TDRD6: variants seen among roughly 807,000 people sequenced by gnomAD.
TDRD6 encodes tudor domain containing 6.
Under a neutral mutation model 157.5 loss-of-function variants are expected in TDRD6, and 186 were observed. The observed-to-expected ratio is 1.18, with a 90% CI of 1.05 to 1.33. TDRD6 has a LOEUF of 1.33. Among genes scored for constraint, TDRD6 ranks in the 40% most tolerant of loss-of-function variants. TDRD6 has a pLI of 0.00. For missense variants in TDRD6, 3,066 were observed against 2,508.0 expected, an observed-to-expected ratio of 1.22 and a Z score of -4.75; for synonymous variants, 1,075 against 945.2, an observed-to-expected ratio of 1.14 and a Z score of -2.52.
rs139861733 is a variant in TDRD6 at position 46,690,622 on chromosome 6, C to G, written c.2494C>G (p.Gln832Glu). The G allele has an allele frequency of 3.7e-6, 6 of 1,614,178 alleles. No homozygotes were observed. In the Admixed American group the frequency reaches 1.0e-4, roughly 27 times the overall value. Residue 832 changes from glutamine to glutamate, a missense_variant, in exon 1 of 4, where the codon CAG becomes GAG. By Grantham distance (29) the Gln-to-Glu change is conservative. Coordinates refer to ENST00000316081, the MANE Select transcript of TDRD6 (RefSeq NM_001010870.3). ...ACLAKRTVNRQWSRALISGIQ... is the reference protein window; with the variant it reads ...ACLAKRTVNREWSRALISGIQ... ...TTTGGCTAAGCGAACAGTAAACAGA[C>G]AGTGGTCCAGAGCACTTATTAGTGG...
intron 3 of TDRD6, among the ~76,000 whole-genome samples, chr6:46,698,566 G>A (rs1764551149): frequency 6.6e-6 from 1 of 152,114 alleles, no homozygotes. Flanking sequence ...ACTATATGGT[G>A]GGCAATTTGC....
In TDRD6 at chr6:46,693,289, G is replaced by C; in HGVS notation, c.5161G>C (p.Gly1721Arg). 1.9e-6 allele frequency: 3 copies of C among 1,612,468 alleles called. No homozygotes were observed. Among genetic ancestry groups the C allele is most frequent in the Non-Finnish European group, 2.5e-6 (3 of 1,179,616 alleles). ...TGACTCAGAGATAAAGCAGACTCTTGGGTCCTACAATCTTGATGTAGGACT... is the reference window on the plus strand; with the variant it reads ...TGACTCAGAGATAAAGCAGACTCTTCGGTCCTACAATCTTGATGTAGGACT... ...NIDSEIKQTL[G>R]SYNLDVGLKK... is the part of the protein sequence containing the mutation. Residue 1721 changes from glycine to arginine, a missense_variant, in exon 1 of 4, where the codon GGG (glycine) becomes CGG (arginine). Physicochemically the swap from Gly to Arg is moderately radical, Grantham distance 125 (BLOSUM62 -2). Coordinates refer to ENST00000316081, the MANE Select transcript of TDRD6 (RefSeq NM_001010870.3).
At position 46,691,088 on chromosome 6, in the gene TDRD6, A is replaced by C; in HGVS notation, c.2960A>C (p.Glu987Ala). ...ACACATGATATGAAAATTGGAAGTG[A>C]AGAATTAGTTTATATAACGCATATT... ...YSTHDMKIGS[E>A]ELVYITHIDD... The change falls in exon 1 of 4, where the codon GAA (glutamate) becomes GCA (alanine). Residue 987 changes from glutamate to alanine, a missense_variant. Physicochemically the swap from Glu to Ala is moderately radical, Grantham distance 107 (BLOSUM62 -1). Coordinates refer to ENST00000316081, the MANE Select transcript of TDRD6 (RefSeq NM_001010870.3). 6.2e-7 allele frequency: 1 copy of C among 1,613,868 alleles called. No homozygotes were observed. Among genetic ancestry groups the C allele is most frequent in the South Asian group, 1.1e-5 (1 of 91,052 alleles).
rs1764667324 is a variant in TDRD6, at chr6:46,703,279, T to C, written c.*1392T>C. The C allele has an allele frequency of 6.6e-6, 1 of 152,092 alleles. No individual in the cohort carries two copies. The highest frequency in any genetic ancestry group is 1.5e-5 in the Non-Finnish European group (1 of 67,966). 9.4% of individuals were successfully genotyped at this position (152,092 alleles called of 1,614,324 possible). ...AATTATGAACCTTAAAAACCCATTA[T>C]AATTTCCGTAAGTAGAAGGGAGAGA... On this transcript the variant is annotated 3_prime_UTR_variant, in exon 4 of 4. Coordinates refer to ENST00000316081, the MANE Select transcript of TDRD6 (RefSeq NM_001010870.3).
the TDRD6 span, among the ~76,000 whole-genome samples, chr6:46,682,822 A>T: frequency 6.6e-6 from 1 of 151,932 alleles, no homozygotes; most frequent in African/African-American, 2.4e-5. Context: ...TTACTGAGAG[A>T]AATTAAAGAT....
rs772962988 is a variant in TDRD6 at position 46,692,393 on chromosome 6, G to A, written c.4265G>A (p.Gly1422Glu). ...PGLCIHCSLQGFEVPDNKNSK... is the reference protein window; with the variant it reads ...PGLCIHCSLQEFEVPDNKNSK... The stretch of plus-strand genomic sequence containing the variant: ...TTGTGCATTCATTGCTCCTTGCAGG[G>A]ATTTGAGGTTCCTGACAATAAAAAT... Residue 1422 changes from glycine (G) to glutamate (E), a missense_variant, in exon 1 of 4, where the codon GGA becomes GAA. By Grantham distance (98) the Gly-to-Glu change is moderately conservative. Transcript: ENST00000316081. 1.2e-6 allele frequency: 2 copies of A among 1,614,138 alleles called. No individual in the cohort carries two copies. The highest frequency in any genetic ancestry group is 1.7e-6 in the Non-Finnish European group (2 of 1,180,018).
rs1466466558 is a variant in TDRD6 at position 46,689,660 on chromosome 6, T to C, written c.1532T>C (p.Val511Ala). Residue 511 changes from valine to alanine, a missense_variant, in exon 1 of 4, where the codon GTC becomes GCC. Physicochemically the swap from Val to Ala is moderately conservative, Grantham distance 64. Coordinates refer to ENST00000316081, the MANE Select transcript of TDRD6 (RefSeq NM_001010870.3). ...EFWIRLRKHN[V>A]TFSKLMRRMC... ...TGGATTAGGTTGAGGAAACACAATG[T>C]CACCTTCAGTAAGCTGATGAGGAGA... The C allele has an allele frequency of 6.2e-7, 1 of 1,614,130 alleles. No individual in the cohort carries two copies. Among genetic ancestry groups the C allele is most frequent in the African/African-American group, 1.3e-5 (1 of 74,952 alleles).
At chr6:46,685,846 A>G (rs1764079102), upstream of TDRD6, among the ~76,000 whole-genome samples, 1 of 152,184 alleles carries the variant, frequency 6.6e-6, no homozygotes, top group African/African-American at 2.4e-5. Context: ...AAGTTTATTT[A>G]TTATAAAACT....
At position 46,691,837 on chromosome 6, in the gene TDRD6, A is replaced by G; in HGVS notation, c.3709A>G (p.Thr1237Ala). The change falls in exon 1 of 4, where the codon ACT becomes GCT. Residue 1237 changes from threonine to alanine, a missense_variant. By Grantham distance (58) the Thr-to-Ala change is moderately conservative. Transcript: ENST00000316081. ...LQSLTKTNLV[T>A]QYQDSVGNKN... ...AAGTTTAACAAAAACAAACTTAGTC[A>G]CTCAATATCAAGACTCTGTGGGAAA... 6.2e-7 allele frequency: 1 copy of G among 1,602,478 alleles called. No individual in the cohort carries two copies. The highest frequency in any genetic ancestry group is 8.5e-7 in the Non-Finnish European group (1 of 1,177,256).
chr6:46,696,180 C>A (rs1179198952), intron 2 of TDRD6, among the ~76,000 whole-genome samples: 1 of 152,028 alleles, frequency 6.6e-6, no homozygotes, highest in African/African-American at 2.4e-5. Context: ...CTATTAGTCA[C>A]CTAGTTCCAC....
chr6:46,692,108 A>T lies in TDRD6; in HGVS notation c.3980A>T (p.Asp1327Val). 2.5e-6 allele frequency: 4 copies of T among 1,613,432 alleles called. No individual in the cohort carries two copies. The highest frequency in any genetic ancestry group is 3.4e-6 in the Non-Finnish European group (4 of 1,179,646). ...GACTTTTATGTTCAACTAATAGAAGATGAAGCTGAAATTAGTCATCTTTCA... is the reference window on the plus strand; with the variant it reads ...GACTTTTATGTTCAACTAATAGAAGTTGAAGCTGAAATTAGTCATCTTTCA... ...LSDFYVQLIE[D>V]EAEISHLSER... The change falls in exon 1 of 4, where the codon GAT becomes GTT. Residue 1327 changes from aspartate (D) to valine (V), a missense_variant. By Grantham distance (152) the Asp-to-Val change is radical (BLOSUM62 -3). Transcript: ENST00000316081.
Position 46,688,653 on chromosome 6 carries a change from G to C in TDRD6, c.525G>C (p.Leu175=), listed in dbSNP as rs770394412. Residue 175 remains leucine (L), a synonymous_variant, in exon 1 of 4, where the codon CTG becomes CTC. Transcript: ENST00000316081. ...ACGGGTGCGTCCTGGACGTGCTGCT[G>C]CTCCATCGCCTGGTCCTCCTGGAGG... The part of the protein sequence containing the change: ...EVHGCVLDVL[L]LHRLVLLEVP... 1.8e-5 allele frequency: 28 copies of C among 1,599,560 alleles called. No homozygotes were observed. The highest frequency in any genetic ancestry group is 2.2e-5 in the Non-Finnish European group (26 of 1,179,872).
In TDRD6 at chr6:46,690,239, G is replaced by A; in HGVS notation, c.2111G>A (p.Gly704Glu). 1 of 1,613,900 alleles carries A rather than the reference G, an allele frequency of 6.2e-7. No homozygotes were observed. The highest frequency in any genetic ancestry group is 2.2e-5 in the East Asian group (1 of 44,880). ...ESNKIPFAKT[G>E]EGEQKAKREN... ...AACAAAATACCTTTTGCCAAGACTG[G>A]AGAAGGAGAGCAGAAAGCCAAGAGA... is the stretch of plus-strand genomic sequence containing the variant. Residue 704 changes from glycine (G) to glutamate (E), a missense_variant, in exon 1 of 4, where the codon GGA becomes GAA. Coordinates refer to ENST00000316081, the MANE Select transcript of TDRD6 (RefSeq NM_001010870.3).
chr6:46,704,181 T>C lies in TDRD6; in HGVS notation c.*2294T>C. 4.3e-6 allele frequency: 1 copy of C among 232,026 alleles called. No homozygotes were observed. Among genetic ancestry groups the C allele is most frequent in the South Asian group, 5.8e-5 (1 of 17,184 alleles). The allele number at this position is 232,026 out of a possible 1,614,324, so 14.4% of individuals were successfully genotyped here. A position where few individuals can be genotyped will look rare whatever the true frequency, so the allele number is the denominator to read the frequency against. On this transcript the variant is annotated 3_prime_UTR_variant, in exon 4 of 4. Coordinates refer to ENST00000316081, the MANE Select transcript of TDRD6 (RefSeq NM_001010870.3). Reference sequence around the variant, plus strand: ...TGTTTTTTACTCTATGTTTAGGGAGTCTTGTATCATTGCAACAGGTTTTCA... The same window carrying C: ...TGTTTTTTACTCTATGTTTAGGGAGCCTTGTATCATTGCAACAGGTTTTCA...
At chr6:46,700,401 C>T (rs1764594184) in intron 3 of TDRD6, among the ~76,000 whole-genome samples, 1 of 151,848 alleles carries the variant, frequency 6.6e-6, no homozygotes, top group African/African-American at 2.4e-5. Context: ...TACAAATGAG[C>T]TAGCTTTCCT....
chr6:46,694,037 A>G lies in TDRD6; in HGVS notation c.5909A>G (p.Asn1970Ser), dbSNP rs560420845. 4.3e-6 allele frequency: 7 copies of G among 1,614,030 alleles called. No individual in the cohort carries two copies. The highest frequency in any genetic ancestry group is 4.0e-5 in the African/African-American group (3 of 75,072). Residue 1970 changes from asparagine (N) to serine (S), a missense_variant, in exon 1 of 4, where the codon AAT becomes AGT. Asn to Ser is a conservative substitution (Grantham distance 46, BLOSUM62 1). Coordinates refer to ENST00000316081, the MANE Select transcript of TDRD6 (RefSeq NM_001010870.3). ...HGADCDPKTQ[N>S]EMNICEEEFV... Reference sequence around the variant, plus strand: ...GCAGATTGTGATCCTAAAACACAGAATGAAATGAATATATGTGAAGAAGAA... The same window carrying G: ...GCAGATTGTGATCCTAAAACACAGAGTGAAATGAATATATGTGAAGAAGAA...
At chr6:46,698,542 T>A (rs1764550696) in intron 3 of TDRD6, among the ~76,000 whole-genome samples, 1 of 152,236 alleles carries the variant, frequency 6.6e-6, no homozygotes, top group South Asian at 2.1e-4. Flanking sequence ...ATATTCTGTT[T>A]TTCTTCATTT....
chr6:46,693,999 G>T lies in TDRD6; in HGVS notation c.5871G>T (p.Leu1957Phe). The change falls in exon 1 of 4, where the codon TTG becomes TTT. Residue 1957 changes from leucine to phenylalanine, a missense_variant. Coordinates refer to ENST00000316081, the MANE Select transcript of TDRD6 (RefSeq NM_001010870.3). ...TTGATGACCAGCGCAGGATGTCATT[G>T]CATCTACATGGAGCAGATTGTGATC... ...ESFDDQRRMS[L>F]HLHGADCDPK... is the part of the protein sequence containing the mutation. 3 of 1,613,904 alleles carry T rather than the reference G, an allele frequency of 1.9e-6. No individual in the cohort carries two copies. The highest frequency in any genetic ancestry group is 1.7e-4 in the Middle Eastern group (1 of 6,060).
chr6:46,691,719 A>G lies in TDRD6; in HGVS notation c.3591A>G (p.Lys1197=). Residue 1197 remains lysine (K), a synonymous_variant, in exon 1 of 4, where the codon AAA becomes AAG. Transcript: ENST00000316081. ...MKLPCTEYLS[K]SVGYKLPNKE... The stretch of plus-strand genomic sequence containing the variant: ...TGCCATGTACAGAGTATTTAAGTAA[A>G]TCAGTAGGGTACAAGTTACCTAATA... 6.2e-7 allele frequency: 1 copy of G among 1,605,332 alleles called. No homozygotes were observed. Among genetic ancestry groups the G allele is most frequent in the Non-Finnish European group, 8.5e-7 (1 of 1,177,732 alleles).
Sources: allele counts gnomAD v4.1 joint callset (sites outside exome capture counted in the v4.1 genomes callset), GRCh38; gene constraint gnomAD v4.1.1; transcripts MANE v1.5; gene names NCBI Gene and HGNC (gene_info 2026-07-23, HGNC 2026-07-21).